The following PAQR5 variants were observed in gnomAD, a reference collection of about 807,000 sequenced individuals.
PAQR5 encodes the protein membrane progestin receptor gamma.
Under a neutral mutation model 34.5 loss-of-function variants are expected in PAQR5, and 20 were observed. The observed-to-expected ratio is 0.58, with a 90% CI of 0.41 to 0.84. The LOEUF (loss-of-function observed/expected upper bound fraction) is 0.84. Ranked by LOEUF, PAQR5 falls within the 40% of genes least tolerant of loss-of-function variation. The probability of loss-of-function intolerance (pLI) is 0.00; values close to 1 mark genes in which losing one functional copy is unlikely to be tolerated. For synonymous variants in PAQR5, 131 were observed against 155.6 expected (o/e 0.84, Z 1.18); for missense variants, 378 against 412.7 (o/e 0.92, Z 0.73).
At chr15:69,304,697 G>A (rs1337610394) in intron 1 of PAQR5, among the ~76,000 whole-genome samples, 2 of 152,134 alleles carry the variant, frequency 1.3e-5, no homozygotes, top group African/African-American at 4.8e-5. Flanking sequence ...TTTTGCCCAA[G>A]CCTCAGACAG....
intron 2 of PAQR5, among the ~76,000 whole-genome samples, chr15:69,339,559 G>A (rs1235229304): frequency 1.3e-5 from 2 of 152,140 alleles, no homozygotes; most frequent in Non-Finnish European, 2.9e-5. Context: ...TGCAGCCTCT[G>A]CCTCCCAGGT....
At chr15:69,362,993 C>T (rs777183376) in intron 3 of PAQR5, among the ~76,000 whole-genome samples, 20 of 152,228 alleles carry the variant, frequency 1.3e-4, no homozygotes, top group Non-Finnish European at 2.2e-4. Flanking sequence ...CTTTGCTCCC[C>T]CTTTGTGACT....
rs537811990 is a variant in PAQR5 at position 69,332,527 on chromosome 15, C to G, written c.-276-4814C>G. Among the ~76,000 whole-genome samples the G allele has an allele frequency of 4.6e-5, 7 of 152,156 alleles. No individual in the cohort carries two copies. The South Asian group carries it at 1.5e-3, about 32-fold the overall frequency. ...AGCTTGAAATTGGCTTCTCTAGGCTCCTTCTGGGGAGAGGAATAGAAACTG... is the reference window on the plus strand; with the variant it reads ...AGCTTGAAATTGGCTTCTCTAGGCTGCTTCTGGGGAGAGGAATAGAAACTG... On this transcript the variant is annotated intron_variant, in intron 1 of 8. Coordinates refer to ENST00000395407, the MANE Select transcript of PAQR5 (RefSeq NM_017705.4).
rs1285842258 is a variant in PAQR5 at position 69,405,353 on chromosome 15, G to C, written c.*1531G>C. On this transcript the variant is annotated 3_prime_UTR_variant, in exon 9 of 9. Coordinates refer to ENST00000395407, the MANE Select transcript of PAQR5 (RefSeq NM_017705.4). ...TGAATGGCCTTGTAAACAGCTCACT[G>C]TCTAATACTCGAAGGACAAGTAACA... The C allele has an allele frequency of 1.5e-5, 3 of 200,066 alleles. No individual in the cohort carries two copies. Among genetic ancestry groups the C allele is most frequent in the African/African-American group, 6.9e-5 (3 of 43,352 alleles). The allele number at this position is 200,066 out of a possible 1,614,324, so 12.4% of individuals were successfully genotyped here.
At chr15:69,305,502 G>T (rs557135586) in intron 1 of PAQR5, among the ~76,000 whole-genome samples, 8 of 152,010 alleles carry the variant, frequency 5.3e-5, no homozygotes, top group African/African-American at 9.7e-5. Flanking sequence ...GGTTACATAA[G>T]TCGGGGTGGG....
intron 1 of PAQR5, among the ~76,000 whole-genome samples, chr15:69,329,783 C>A (rs1404469979): frequency 6.6e-6 from 1 of 152,088 alleles, no homozygotes; most frequent in Non-Finnish European, 1.5e-5. Context: ...CTGCAAACAG[C>A]CTCAATTTTC....
rs375698219 is a variant in PAQR5, at chr15:69,316,619, A to G, written c.-277+17563A>G. ...TATCTTGTAGCCTGGGACAGGCCAG[A>G]GAAGGCATGTCCCTGGTCATAAGTT... On this transcript the variant is annotated intron_variant, in intron 1 of 8. Coordinates refer to ENST00000395407, the MANE Select transcript of PAQR5 (RefSeq NM_017705.4). 4.6e-5 allele frequency among the ~76,000 whole-genome samples: 7 copies of G among 152,314 alleles called. No individual in the cohort carries two copies. In the East Asian group the frequency reaches 1.2e-3, roughly 25 times the overall value.
chr15:69,377,530 A>G (rs1262303330), intron 3 of PAQR5, among the ~76,000 whole-genome samples: 3 of 152,252 alleles, frequency 2.0e-5, no homozygotes, highest in African/African-American at 4.8e-5. Flanking sequence ...TTTCTTCACT[A>G]GACCATGAAT....
At chr15:69,349,922 G>A (rs536913003) in intron 2 of PAQR5, among the ~76,000 whole-genome samples, 9 of 152,204 alleles carry the variant, frequency 5.9e-5, no homozygotes, top group East Asian at 5.9e-4. Flanking sequence ...GATTACAGGC[G>A]TGAGCCACGG....
intron 1 of PAQR5, among the ~76,000 whole-genome samples, chr15:69,302,467 G>A (rs1033377206): frequency 6.6e-6 from 1 of 152,202 alleles, no homozygotes; most frequent in Non-Finnish European, 1.5e-5. Context: ...AGGGAAGGAA[G>A]GGTCTGAGAG....
chr15:69,300,302 A>G (rs1370091356), intron 1 of PAQR5, among the ~76,000 whole-genome samples: 1 of 152,048 alleles, frequency 6.6e-6, no homozygotes, highest in African/African-American at 2.4e-5. Flanking sequence ...TGTTCCCTGC[A>G]GGGACCTGCT....
chr15:69,380,065 G>A lies in PAQR5; in HGVS notation c.179+55G>A, dbSNP rs2055840701. The A allele has an allele frequency of 1.9e-6, 3 of 1,596,390 alleles. 1 individual carries two copies. The South Asian group carries it at 3.4e-5, about 18-fold the overall frequency. ...CTCCTTCAGGAGCCCTGGAGACCAG[G>A]GTGTCTTAAAACATGGCTAGTGTTG... On this transcript the variant is annotated intron_variant, in intron 4 of 8. Coordinates refer to ENST00000395407, the MANE Select transcript of PAQR5 (RefSeq NM_017705.4).
intron 7 of PAQR5, among the ~76,000 whole-genome samples, chr15:69,399,516 G>T (rs1165019472): frequency 6.6e-6 from 1 of 152,110 alleles, no homozygotes; most frequent in Non-Finnish European, 1.5e-5. Flanking sequence ...GTCAAAAGTT[G>T]TACATGGACT....
At chr15:69,381,386 A>G (rs2055881099) in intron 4 of PAQR5, among the ~76,000 whole-genome samples, 1 of 152,154 alleles carries the variant, frequency 6.6e-6, no homozygotes, top group South Asian at 2.1e-4. Context: ...CTCTGTCAGC[A>G]TCTGCAATCT....
chr15:69,321,479 G>A (rs1024877698), intron 1 of PAQR5, among the ~76,000 whole-genome samples: 1 of 152,090 alleles, frequency 6.6e-6, no homozygotes, highest in Non-Finnish European at 1.5e-5. Flanking sequence ...AAGGAAAATG[G>A]CCCAATAAAA....
intron 2 of PAQR5, among the ~76,000 whole-genome samples, chr15:69,352,412 G>A (rs562232489): frequency 1.4e-4 from 22 of 152,322 alleles, no homozygotes; most frequent in Admixed American, 1.2e-3. Flanking sequence ...TGGTTTATAC[G>A]TGATCAGGCC....
At position 69,385,561 on chromosome 15, in the gene PAQR5, T is replaced by A. The variant is rs2056082424; in HGVS notation, c.385+679T>A. 6.6e-6 allele frequency among the ~76,000 whole-genome samples: 1 copy of A among 152,140 alleles called. No individual in the cohort carries two copies. The highest frequency in any genetic ancestry group is 1.5e-5 in the Non-Finnish European group (1 of 68,018). On this transcript the variant is annotated intron_variant, in intron 5 of 8. Transcript: ENST00000395407. The surrounding 1 kb of genome is among the most constrained non-coding windows in gnomAD (Gnocchi z 4.7). ...TCCTTGTCTTTTTCTTTGACTATGA[T>A]GCTCCCTCCTCTGGCCTCTTCTCTC...
chr15:69,404,938 C>T lies in PAQR5; in HGVS notation c.*1116C>T. On this transcript the variant is annotated 3_prime_UTR_variant, in exon 9 of 9. Coordinates refer to ENST00000395407, the MANE Select transcript of PAQR5 (RefSeq NM_017705.4). ...CCAGATGATTCTAATACAGGAGGGC[C>T]AGAGGCCAAACTTGAAGAACTGCTG... is the stretch of plus-strand genomic sequence containing the variant. 5.0e-6 allele frequency: 2 copies of T among 398,576 alleles called. No individual in the cohort carries two copies. Among genetic ancestry groups the T allele is most frequent in the Admixed American group, 4.4e-5 (1 of 22,730 alleles). The allele number at this position is 398,576 out of a possible 1,614,324, so 24.7% of individuals were successfully genotyped here.
intron 8 of PAQR5, 57 bp from the exon 9 acceptor site, chr15:69,403,524 T>C: frequency 1.3e-6 from 2 of 1,553,558 alleles, no homozygotes; most frequent in East Asian, 2.3e-5. Context: ...CCATAGCATG[T>C]ATCAGTACTC....
Sources: gnomAD v4.1 joint callset for allele counts (sites outside exome capture counted in the v4.1 genomes callset) on GRCh38, gnomAD v4.1.1 for gene constraint, Gnocchi (gnomAD v3.1) non-coding constraint, MANE v1.5 for transcripts, NCBI Gene and HGNC (gene_info 2026-07-23, HGNC 2026-07-21) for gene names.